The following EGF variants were observed in gnomAD, a reference collection of about 807,000 sequenced individuals.
EGF encodes the protein pro-epidermal growth factor.
A neutral mutation model predicts 143.8 loss-of-function variants in EGF; 95 were observed. That is an observed-to-expected ratio of 0.66 (90% CI 0.56 to 0.78). EGF has a LOEUF of 0.78. Ranked by LOEUF, EGF falls within the 30% of genes least tolerant of loss-of-function variation. The pLI, the probability that EGF is intolerant of heterozygous loss-of-function variation, is 0.00. For synonymous variants in EGF, 510 were observed against 510.5 expected, an observed-to-expected ratio of 1.00 and a Z score of 0.01; for missense variants, 1,320 against 1,470.9, an observed-to-expected ratio of 0.90 and a Z score of 1.68.
rs1052162836 is a variant in EGF, at chr4:109,987,690, C to T, written c.2492-54C>T. 3.5e-5 allele frequency: 51 copies of T among 1,439,764 alleles called. 1 individual carries two copies. The highest frequency in any genetic ancestry group is 6.8e-5 in the South Asian group (6 of 87,666). The allele number at this position is 1,439,764 out of a possible 1,614,324, so 89.2% of individuals were successfully genotyped here. On this transcript the variant is annotated intron_variant, in intron 16 of 23. Transcript: ENST00000265171. ...TCTGTAGAACCAGAAGATTAAAGTC[C>T]GTTTTCTTCTCTAAGGTCTAGAAAT...
chr4:109,979,465 A>G (rs1748995772), intron 13 of EGF, among the ~76,000 whole-genome samples: 1 of 152,030 alleles, frequency 6.6e-6, no homozygotes, highest in South Asian at 2.1e-4. Context: ...ATGCAGGCAA[A>G]TGTGTTGGTG....
Position 109,941,010 on chromosome 4 carries a change from C to A in EGF, c.192C>A (p.Thr64=), listed in dbSNP as rs367667834. 6.3e-5 allele frequency: 102 copies of A among 1,613,862 alleles called. No individual in the cohort carries two copies. Among genetic ancestry groups the A allele is most frequent in the Non-Finnish European group, 8.1e-5 (96 of 1,179,978 alleles). Residue 64 remains threonine (T), a synonymous_variant, in exon 2 of 24, where the codon ACC becomes ACA. Coordinates refer to ENST00000265171, the MANE Select transcript of EGF (RefSeq NM_001963.6). ...TCTTTAGGATTGACACAGAAGGAAC[C>A]AATTATGAGCAATTGGTGGTGGATG... is the stretch of plus-strand genomic sequence containing the variant. ...NSIFRIDTEG[T]NYEQLVVDAG... is the part of the protein sequence containing the mutation.
intron 1 of EGF, among the ~76,000 whole-genome samples, chr4:109,921,031 C>G (rs749481469): frequency 6.6e-6 from 1 of 151,120 alleles, no homozygotes; most frequent in Non-Finnish European, 1.5e-5. Flanking sequence ...CAGGTGTAGA[C>G]GAAGAAAAAA....
chr4:110,012,100 G>A lies in EGF; in HGVS notation c.*645G>A, dbSNP rs995615843. Reference sequence around the variant, plus strand: ...ACACAGGAGGCTTCGGAGTTTCTTAGTCATTACTGTCCTTTTCCCCTACAG... The same window carrying A: ...ACACAGGAGGCTTCGGAGTTTCTTAATCATTACTGTCCTTTTCCCCTACAG... On this transcript the variant is annotated 3_prime_UTR_variant, in exon 24 of 24. Coordinates refer to ENST00000265171, the MANE Select transcript of EGF (RefSeq NM_001963.6). 5 of 152,402 alleles carry A rather than the reference G, an allele frequency of 3.3e-5. No homozygotes were observed. The highest frequency in any genetic ancestry group is 1.2e-4 in the African/African-American group (5 of 41,434). 9.4% of individuals were successfully genotyped at this position (152,402 alleles called of 1,614,324 possible).
intron 10 of EGF, among the ~76,000 whole-genome samples, chr4:109,964,817 T>C (rs1241169981): frequency 2.0e-5 from 3 of 152,126 alleles, no homozygotes; most frequent in African/African-American, 7.2e-5. Flanking sequence ...TCTTTGGAGA[T>C]GAGGATGGGA....
intron 6 of EGF, among the ~76,000 whole-genome samples, chr4:109,959,932 CT>C (rs1490186084): frequency 6.6e-6 from 1 of 152,168 alleles, no homozygotes; most frequent in African/African-American, 2.4e-5. Context: ...GTGCAACGAA[CT>C]CAGGAGAAAT....
intron 9 of EGF, among the ~76,000 whole-genome samples, chr4:109,964,102 C>T (rs1437138892): frequency 6.6e-6 from 1 of 152,138 alleles, no homozygotes; most frequent in East Asian, 1.9e-4. Flanking sequence ...AACCCTAAGA[C>T]TTGCATCATT....
chr4:109,934,138 C>T (rs537789287), intron 1 of EGF, among the ~76,000 whole-genome samples: 30 of 152,298 alleles, frequency 2.0e-4, no homozygotes, highest in African/African-American at 7.2e-4. Context: ...GATGGTATCT[C>T]ACTGTGGTTT....
At chr4:109,966,026 T>A (rs1467006417) in intron 10 of EGF, among the ~76,000 whole-genome samples, 3 of 150,516 alleles carry the variant, frequency 2.0e-5, no homozygotes, top group Admixed American at 2.0e-4. Flanking sequence ...AACTGACCCA[T>A]ATCTTTAAAA....
chr4:110,004,469 G>A, intron 21 of EGF, 36 bp from the exon 22 acceptor site: 2 of 1,587,186 alleles, frequency 1.3e-6, no homozygotes, highest in Non-Finnish European at 1.7e-6. Flanking sequence ...ATTTTGTTTT[G>A]TTGTGAGATT....
intron 5 of EGF, among the ~76,000 whole-genome samples, chr4:109,948,494 T>C (rs1189898942): frequency 6.6e-6 from 1 of 151,970 alleles, no homozygotes; most frequent in African/African-American, 2.4e-5. Context: ...GGATTTTTTT[T>C]TGGGGGGGTG....
chr4:109,963,462 T>C (rs1212071389), intron 9 of EGF, among the ~76,000 whole-genome samples, 164 bp downstream of exon 9: 1 of 152,208 alleles, frequency 6.6e-6, no homozygotes, highest in Non-Finnish European at 1.5e-5. Context: ...ACAATATAAC[T>C]AGTAACCAGG....
chr4:109,994,672 T>C (rs1029444006), intron 19 of EGF, 61 bp from the exon 20 acceptor site: 3 of 1,572,928 alleles, frequency 1.9e-6, no homozygotes, highest in South Asian at 2.2e-5. Flanking sequence ...GTTCCTCATA[T>C]TGATACTTGA....
chr4:110,008,311 A>T, intron 23 of EGF, 81 bp downstream of exon 23: 2 of 1,480,140 alleles, frequency 1.4e-6, no homozygotes, highest in Non-Finnish European at 1.9e-6. Context: ...GTCTCATTTA[A>T]CCACACACAC....
intron 2 of EGF, among the ~76,000 whole-genome samples, chr4:109,941,516 T>C (rs149308076): frequency 2.2e-4 from 33 of 152,268 alleles, no homozygotes; most frequent in African/African-American, 7.7e-4. Flanking sequence ...CAATTGGCAG[T>C]GTCTGGAAAC....
At chr4:109,954,750 T>C (rs1179146147) in intron 5 of EGF, among the ~76,000 whole-genome samples, 1 of 152,186 alleles carries the variant, frequency 6.6e-6, no homozygotes, top group East Asian at 1.9e-4. Flanking sequence ...CACACACACA[T>C]AGAATTTTAC....
chr4:110,006,399 C>G (rs1753305686), intron 22 of EGF, among the ~76,000 whole-genome samples: 1 of 152,174 alleles, frequency 6.6e-6, no homozygotes, highest in Non-Finnish European at 1.5e-5. Context: ...AGTTGGCTAT[C>G]TAATCTTGAG....
rs750569083 is a variant in EGF, at chr4:109,988,566, TC to T, written c.2609-17del. On this transcript the variant is annotated splice_polypyrimidine_tract_variant and intron_variant, in intron 17 of 23. Transcript: ENST00000265171. Reference sequence around the variant, plus strand: ...AGGATTGCCTAAATATTGCACTAGTTCATAATTTTGCCCACAGATATAGATG... The same window carrying T: ...AGGATTGCCTAAATATTGCACTAGTTATAATTTTGCCCACAGATATAGATG... 6.2e-7 allele frequency: 1 copy of T among 1,613,946 alleles called. No individual in the cohort carries two copies. Among genetic ancestry groups the T allele is most frequent in the Admixed American group, 1.7e-5 (1 of 60,024 alleles).
intron 1 of EGF, among the ~76,000 whole-genome samples, chr4:109,927,806 CGTGT>C (rs57788647): frequency 0.3 from 41,414 of 136,090 alleles, 6,441 homozygotes; most frequent in Middle Eastern, 0.39. Context: ...TGAATTTTGC[CGTGT>C]GTGTGTGTGT....
Sources: allele counts gnomAD v4.1 joint callset (sites outside exome capture counted in the v4.1 genomes callset), GRCh38; gene constraint gnomAD v4.1.1; transcripts MANE v1.5; gene names NCBI Gene and HGNC (gene_info 2026-07-23, HGNC 2026-07-21).